Variants in TRPM3 observed in about 807,000 individuals in gnomAD.
TRPM3 encodes transient receptor potential cation channel subfamily M member 3.
Under a neutral mutation model 181.2 loss-of-function variants are expected in TRPM3, and 77 were observed. The ratio of observed to expected loss-of-function variants is 0.42; its 90% CI spans 0.35 to 0.51. The LOEUF (loss-of-function observed/expected upper bound fraction) is 0.51. Ranked by LOEUF, TRPM3 falls within the 20% of genes least tolerant of loss-of-function variation. The pLI is 0.01. For missense variants in TRPM3, 1,759 were observed against 2,196.7 expected (o/e 0.80, Z 3.98); for synonymous variants, 745 against 796.4 (o/e 0.94, Z 1.09).
chr9:71,222,363 AT>A (rs2131854438), intron 1 of TRPM3, among the ~76,000 whole-genome samples: 1 of 152,298 alleles, frequency 6.6e-6, no homozygotes, highest in East Asian at 1.9e-4. Context: ...TCCTTTGTTC[AT>A]TTGGTAGTTT....
chr9:70,617,321 C>T (rs2062940723), intron 17 of TRPM3, among the ~76,000 whole-genome samples: 1 of 152,052 alleles, frequency 6.6e-6, no homozygotes, highest in Admixed American at 6.5e-5. Context: ...CAGAACCTTT[C>T]TGTGACTCTA....
chr9:70,691,402 A>G (rs2068504584), intron 8 of TRPM3, among the ~76,000 whole-genome samples: 1 of 152,172 alleles, frequency 6.6e-6, no homozygotes, highest in Non-Finnish European at 1.5e-5. Flanking sequence ...TTAAAGGTGC[A>G]TTATGTCTAA....
intron 1 of TRPM3, among the ~76,000 whole-genome samples, chr9:71,181,550 T>C (rs2077405087): frequency 6.6e-6 from 1 of 152,110 alleles, no homozygotes. Flanking sequence ...CTAAACATTT[T>C]ATCAGATGCT....
intron 1 of TRPM3, among the ~76,000 whole-genome samples, chr9:70,916,533 G>C (rs528639042): frequency 1.3e-5 from 2 of 152,128 alleles, no homozygotes; most frequent in East Asian, 3.9e-4. Flanking sequence ...ATTAGTTTTT[G>C]CTTCTTTTTC....
chr9:71,282,216 GGAAA>G lies in TRPM3; in HGVS notation c.183+164433_183+164436del, dbSNP rs1472971711. On this transcript the variant is annotated intron_variant, in intron 1 of 24. Transcript: ENST00000357533. ...AGAAAGAATGAAAGAAAGAAAGAAA[GGAAA>G]GAAAGAAAGAAAAAGAAAGAATGAA... Among the ~76,000 whole-genome samples the G allele has an allele frequency of 6.6e-4, 46 of 69,940 alleles. 8 individuals are homozygous for G. Among genetic ancestry groups the G allele is most frequent in the African/African-American group, 2.6e-3 (39 of 15,194 alleles). 45.9% of individuals were successfully genotyped at this position (69,940 alleles called of 152,430 possible).
At chr9:71,156,742 A>T (rs1484400470) in intron 1 of TRPM3, among the ~76,000 whole-genome samples, 1 of 152,086 alleles carries the variant, frequency 6.6e-6, no homozygotes, top group African/African-American at 2.4e-5. Context: ...AGATATGTAG[A>T]CTTATTTTTA....
At chr9:70,900,480 C>T (rs182900840) in intron 1 of TRPM3, among the ~76,000 whole-genome samples, 3 of 152,164 alleles carry the variant, frequency 2.0e-5, no homozygotes, top group Admixed American at 6.5e-5. Context: ...TAGACCAGAG[C>T]ATTATAGGAA....
chr9:71,151,833 A>C (rs1587669075), intron 1 of TRPM3, among the ~76,000 whole-genome samples: 1 of 152,242 alleles, frequency 6.6e-6, no homozygotes, highest in East Asian at 1.9e-4. Context: ...TGAAAAAGGC[A>C]AGGTGGATAA....
chr9:70,957,787 C>T (rs932413048), intron 1 of TRPM3, among the ~76,000 whole-genome samples: 2 of 152,106 alleles, frequency 1.3e-5, no homozygotes, highest in African/African-American at 4.8e-5. Context: ...CAGAACTTAA[C>T]AGTTAGGAAA....
chr9:71,393,398 A>G (rs2093111325), intron 1 of TRPM3, among the ~76,000 whole-genome samples: 1 of 152,168 alleles, frequency 6.6e-6, no homozygotes, highest in African/African-American at 2.4e-5. Flanking sequence ...AATAAAATAG[A>G]CAAGACAGTG....
chr9:71,392,689 C>A (rs2093091033), intron 1 of TRPM3, among the ~76,000 whole-genome samples: 1 of 152,218 alleles, frequency 6.6e-6, no homozygotes, highest in South Asian at 2.1e-4. Flanking sequence ...AGACTTACAG[C>A]ACCTTCTATA....
At chr9:71,121,937 C>G (rs2073699255), upstream of TRPM3, among the ~76,000 whole-genome samples, 1 of 152,170 alleles carries the variant, frequency 6.6e-6, no homozygotes, top group Non-Finnish European at 1.5e-5. Context: ...TAAAAGAGAT[C>G]TGTGTCGTGT....
rs373432299 is a variant in TRPM3 at position 70,947,249 on chromosome 9, T to C, written c.178-82738A>G. Among the ~76,000 whole-genome samples, 3 of 152,272 alleles carry C rather than the reference T, an allele frequency of 2.0e-5. No individual in the cohort carries two copies. The South Asian group carries it at 6.2e-4, about 32-fold the overall frequency. ...GCTGCAGAGTTTCATCTCATTGTGGTTTCACTTTGTTTTTCCCTGATGACT... is the reference window on the plus strand; with the variant it reads ...GCTGCAGAGTTTCATCTCATTGTGGCTTCACTTTGTTTTTCCCTGATGACT... On this transcript the variant is annotated intron_variant, in intron 1 of 25. Coordinates refer to ENST00000677713, the MANE Select transcript of TRPM3 (RefSeq NM_001366145.2).
Position 70,793,197 on chromosome 9 carries a change from T to C in TRPM3, c.974-8918A>G, listed in dbSNP as rs182486257. Among the ~76,000 whole-genome samples, 158 of 152,310 alleles carry C rather than the reference T, an allele frequency of 1.0e-3. 1 individual carries two copies. The highest frequency in any genetic ancestry group is 3.7e-3 in the African/African-American group (154 of 41,568). On this transcript the variant is annotated intron_variant, in intron 6 of 25. Coordinates refer to ENST00000677713, the MANE Select transcript of TRPM3 (RefSeq NM_001366145.2). The stretch of plus-strand genomic sequence containing the variant: ...TGGTTGGGCACAATGGCTTATGCCG[T>C]AATCCCAGCTCTTTGGGAGACCGAG...
In TRPM3 at chr9:70,536,005, C is replaced by T. The variant is rs1178314195; in HGVS notation, c.5108G>A (p.Arg1703Lys). The T allele has an allele frequency of 1.2e-6, 2 of 1,613,590 alleles. No individual in the cohort carries two copies. The highest frequency in any genetic ancestry group is 1.7e-6 in the Non-Finnish European group (2 of 1,179,806). ...PEGRGDSLSM[R>K]RLSRTSAFQS... Reference sequence around the variant, plus strand: ...GAAAGCCGATGTTCTGGACAGTCTCCTCATGGACAGGCTGTCCCCTCGGCC... The same window carrying T: ...GAAAGCCGATGTTCTGGACAGTCTCTTCATGGACAGGCTGTCCCCTCGGCC... Residue 1703 changes from arginine to lysine, a missense_variant, in exon 26 of 26, where the codon AGG (arginine) becomes AAG (lysine). Physicochemically the swap from Arg to Lys is conservative, Grantham distance 26. This residue lies in a region of TRPM3 where 612 missense variants were observed against 590.0 expected (regional missense o/e 1.04). Transcript: ENST00000677713.
In TRPM3 at chr9:70,970,737, C is replaced by T. The variant is rs1170611154; in HGVS notation, c.178-106226G>A. Among the ~76,000 whole-genome samples the T allele has an allele frequency of 3.3e-5, 5 of 152,230 alleles. 1 individual carries two copies. In the South Asian group the frequency reaches 6.2e-4, roughly 19 times the overall value. On this transcript the variant is annotated intron_variant, in intron 1 of 25. Transcript: ENST00000677713. ...TTCTAAGCAGGGAAGCTTCTCTGTGCGTTGTGTTGACCACTGACCTAATAA... is the reference window on the plus strand; with the variant it reads ...TTCTAAGCAGGGAAGCTTCTCTGTGTGTTGTGTTGACCACTGACCTAATAA...
intron 1 of TRPM3, among the ~76,000 whole-genome samples, chr9:71,240,336 T>G (rs940685366): frequency 2.6e-5 from 4 of 152,184 alleles, no homozygotes; most frequent in African/African-American, 9.6e-5. Context: ...TTAGCTAGAT[T>G]ACAAGTTCCT....
chr9:71,059,444 T>C (rs1415418395), intron 1 of TRPM3, among the ~76,000 whole-genome samples: 2 of 152,028 alleles, frequency 1.3e-5, no homozygotes, highest in African/African-American at 2.4e-5. Flanking sequence ...TCAGAGCAAA[T>C]GTTTCCTGTT....
chr9:71,140,870 G>C (rs2075060026), intron 1 of TRPM3, among the ~76,000 whole-genome samples: 1 of 152,156 alleles, frequency 6.6e-6, no homozygotes, highest in Non-Finnish European at 1.5e-5. Flanking sequence ...TGTTAGCAGA[G>C]AGGAATAAGG....
Sources: allele counts gnomAD v4.1 joint callset (sites outside exome capture counted in the v4.1 genomes callset), GRCh38; gene constraint gnomAD v4.1.1; regional missense constraint gnomAD v4.1.1; transcripts MANE v1.5; gene names NCBI Gene and HGNC (gene_info 2026-07-23, HGNC 2026-07-21).